The following EPM2A variants were observed in gnomAD, a reference collection of about 807,000 sequenced individuals.
The protein encoded by EPM2A is EPM2A glucan phosphatase, laforin.
A neutral mutation model predicts 26.5 loss-of-function variants in EPM2A; 21 were observed. The observed-to-expected ratio is 0.79, with a 90% CI of 0.56 to 1.14. The LOEUF is 1.14. EPM2A is among the 50% of genes most tolerant of loss of function. The pLI, the probability that EPM2A is intolerant of heterozygous loss-of-function variation, is 0.00. For missense variants in EPM2A, 458 were observed against 440.8 expected, an observed-to-expected ratio of 1.04 and a Z score of -0.35; for synonymous variants, 217 against 177.6, an observed-to-expected ratio of 1.22 and a Z score of -1.76.
chr6:145,505,531 CAATATTATTCAGT>C (rs55793621), intron 2 of EPM2A, among the ~76,000 whole-genome samples: 68,259 of 151,704 alleles, frequency 0.45, 15,376 homozygotes, highest in South Asian at 0.58. Flanking sequence ...AAGATGTTAA[CAATATTATTCAGT>C]AATATTATCA....
intron 2 of EPM2A, among the ~76,000 whole-genome samples, chr6:145,544,246 G>A (rs1299505597): frequency 6.6e-6 from 1 of 152,162 alleles, no homozygotes; most frequent in East Asian, 1.9e-4. Context: ...AGATTGCTAA[G>A]CCGCATTGGC....
intron 4 of EPM2A, among the ~76,000 whole-genome samples, chr6:145,455,030 T>C (rs973109191): frequency 6.6e-6 from 1 of 151,988 alleles, no homozygotes; most frequent in Non-Finnish European, 1.5e-5. Flanking sequence ...TAAACATAGA[T>C]ATATGTGTGT....
chr6:145,432,291 G>A (rs1778932242), intron 4 of EPM2A, among the ~76,000 whole-genome samples: 1 of 151,920 alleles, frequency 6.6e-6, no homozygotes, highest in Non-Finnish European at 1.5e-5. Flanking sequence ...AACTTACTTT[G>A]TCCAGATCTA....
intron 2 of EPM2A, among the ~76,000 whole-genome samples, chr6:145,651,407 T>C (rs147904787): frequency 1.3e-5 from 2 of 152,314 alleles, no homozygotes; most frequent in East Asian, 3.9e-4. Flanking sequence ...ATTTTCCTCT[T>C]AGATGTAATT....
At chr6:145,710,552 A>C (rs928660856) in intron 1 of EPM2A, among the ~76,000 whole-genome samples, 5 of 152,220 alleles carry the variant, frequency 3.3e-5, no homozygotes, top group African/African-American at 4.8e-5. Flanking sequence ...CCCTTGTGGA[A>C]GTCAGTGTGG....
At chr6:145,402,130 G>A (rs560977735) in intron 4 of EPM2A, among the ~76,000 whole-genome samples, 1 of 152,090 alleles carries the variant, frequency 6.6e-6, no homozygotes, top group African/African-American at 2.4e-5. Context: ...CAAAGAGCTA[G>A]GTAGTAACTT....
intron 2 of EPM2A, among the ~76,000 whole-genome samples, chr6:145,512,784 T>C (rs1178643313): frequency 6.8e-6 from 1 of 147,558 alleles, no homozygotes; most frequent in Non-Finnish European, 1.5e-5. Flanking sequence ...CAACTGATCT[T>C]CAATAAAACC....
downstream of EPM2A, among the ~76,000 whole-genome samples, chr6:145,625,125 C>CTT (rs1244176266): frequency 6.6e-6 from 1 of 152,128 alleles, no homozygotes; most frequent in Non-Finnish European, 1.5e-5. Context: ...GGTCCTTCAC[C>CTT]TTTGACTTCC....
At chr6:145,444,751 T>G (rs1426775396) in intron 4 of EPM2A, among the ~76,000 whole-genome samples, 1 of 152,212 alleles carries the variant, frequency 6.6e-6, no homozygotes, top group Non-Finnish European at 1.5e-5. Flanking sequence ...TCTTTGCATG[T>G]CTCATAACTT....
At chr6:145,501,711 C>A in exon 4 of EPM2A, 1 of 458,102 alleles carries the variant, frequency 2.2e-6, no homozygotes, top group Non-Finnish European at 4.5e-6. Flanking sequence ...CTATTCAATG[C>A]TTATGAAATT....
At chr6:145,712,459 A>G (rs57105639) in intron 1 of EPM2A, among the ~76,000 whole-genome samples, 10,120 of 152,136 alleles carry the variant, frequency 0.067, 1,134 homozygotes, top group African/African-American at 0.23. Flanking sequence ...TTGAAGAATT[A>G]TAACAGGAGC....
At chr6:145,714,452 A>C (rs1234880354) in intron 1 of EPM2A, among the ~76,000 whole-genome samples, 1 of 152,190 alleles carries the variant, frequency 6.6e-6, no homozygotes. Flanking sequence ...TGGTCATAAA[A>C]ACATCACCAA....
At chr6:145,482,581 G>A (rs1779623582) in intron 4 of EPM2A, among the ~76,000 whole-genome samples, 1 of 151,988 alleles carries the variant, frequency 6.6e-6, no homozygotes, top group South Asian at 2.1e-4. Context: ...ATCTTTATTT[G>A]GACAAAATGA....
intron 2 of EPM2A, among the ~76,000 whole-genome samples, chr6:145,529,810 C>A (rs1027301881): frequency 2.0e-5 from 3 of 152,196 alleles, no homozygotes; most frequent in Non-Finnish European, 2.9e-5. Flanking sequence ...CAGTAACTTC[C>A]TTTCCCGGTA....
intron 4 of EPM2A, among the ~76,000 whole-genome samples, chr6:145,393,480 A>G (rs1293411502): frequency 1.3e-5 from 2 of 152,184 alleles, no homozygotes; most frequent in Non-Finnish European, 2.9e-5. Flanking sequence ...TCTTTTCCCA[A>G]AGTAGACTGA....
intron 2 of EPM2A, among the ~76,000 whole-genome samples, chr6:145,534,205 T>A (rs1327461368): frequency 5.3e-5 from 8 of 152,162 alleles, no homozygotes; most frequent in Non-Finnish European, 1.2e-4. Flanking sequence ...TGGTAAGCAA[T>A]AAGGGCACAA....
At position 145,634,868 on chromosome 6, in the gene EPM2A, C is replaced by CA. The variant is rs1446060135; in HGVS notation, c.718+376dup. Among the ~76,000 whole-genome samples, 14 of 152,238 alleles carry CA rather than the reference C, an allele frequency of 9.2e-5. No individual in the cohort carries two copies. In the East Asian group the frequency reaches 2.7e-3, roughly 29 times the overall value. Reference sequence around the variant, plus strand: ...ATAGCAATATCTATATATTTTCTAACAAAAAATTCATCATAGTTTTAAACT... The same window carrying CA: ...ATAGCAATATCTATATATTTTCTAACAAAAAAATTCATCATAGTTTTAAACT... On this transcript the variant is annotated intron_variant, in intron 3 of 3. Transcript: ENST00000367519.
intron 4 of EPM2A, among the ~76,000 whole-genome samples, chr6:145,387,014 C>T (rs997578497): frequency 6.6e-6 from 1 of 152,056 alleles, no homozygotes; most frequent in East Asian, 1.9e-4. Context: ...ATGGAAAAGT[C>T]ATCAGATACC....
intron 1 of EPM2A, among the ~76,000 whole-genome samples, chr6:145,698,541 CTTCTA>C (rs780272427): frequency 7.9e-5 from 12 of 151,090 alleles, no homozygotes; most frequent in Non-Finnish European, 1.6e-4. Flanking sequence ...CAACAAAAAA[CTTCTA>C]TGATTATAAA....
Sources: allele counts gnomAD v4.1 joint callset (sites outside exome capture counted in the v4.1 genomes callset), GRCh38; gene constraint gnomAD v4.1.1; transcripts MANE v1.5; gene names NCBI Gene and HGNC (gene_info 2026-07-23, HGNC 2026-07-21).